MBIP: variants seen among roughly 807,000 people sequenced by gnomAD.
The protein encoded by MBIP is MAP3K12-binding inhibitory protein 1.
Under a neutral mutation model 45.7 loss-of-function variants are expected in MBIP, and 32 were observed. The observed-to-expected ratio is 0.70, with a 90% confidence interval of 0.53 to 0.94. The LOEUF (loss-of-function observed/expected upper bound fraction) is 0.94, where lower values mean the gene tolerates loss of function less well. MBIP is among the 40% of genes least tolerant of loss of function. MBIP has a pLI of 0.00. For synonymous variants in MBIP, 145 were observed against 141.0 expected (o/e 1.03, Z -0.20); for missense variants, 381 against 405.5 (o/e 0.94, Z 0.52).
At chr14:36,302,276 A>G (rs1262743276) in intron 7 of MBIP, among the ~76,000 whole-genome samples, 1 of 152,094 alleles carries the variant, frequency 6.6e-6, no homozygotes, top group Non-Finnish European at 1.5e-5. Flanking sequence ...GTGGATCAAG[A>G]GGTCAGGAGA....
intron 6 of MBIP, among the ~76,000 whole-genome samples, chr14:36,309,674 T>TAA: frequency 6.6e-6 from 1 of 152,352 alleles, no homozygotes; most frequent in African/African-American, 2.4e-5. Flanking sequence ...TGCTGCTCCC[T>TAA]TTACCTACAA....
In MBIP at chr14:36,320,568, A is replaced by C. The variant is rs776770457; in HGVS notation, c.21T>G (p.Leu7=). 3.7e-6 allele frequency: 6 copies of C among 1,612,454 alleles called. No individual in the cohort carries two copies. In the East Asian group the frequency reaches 1.3e-4, roughly 36 times the overall value. Residue 7 remains leucine, a synonymous_variant, in exon 1 of 9, where the codon CTT becomes CTG. Coordinates refer to ENST00000416007, the MANE Select transcript of MBIP (RefSeq NM_016586.3). The stretch of plus-strand genomic sequence containing the variant: ...TCCTGTCACCGCTGCTCGGGCGATT[A>C]AGCTCCGTGGCAGCAGCCATGATAT... MAAATE[L]NRPSSGDRNL...
In MBIP at chr14:36,320,601, G is replaced by T; in HGVS notation, c.-13C>A. 6.3e-7 allele frequency: 1 copy of T among 1,593,064 alleles called. No individual in the cohort carries two copies. Among genetic ancestry groups the T allele is most frequent in the Admixed American group, 1.7e-5 (1 of 58,380 alleles). On this transcript the variant is annotated 5_prime_UTR_variant, in exon 1 of 9. The change creates a new upstream start codon in the 5' untranslated region. Transcript: ENST00000416007. ...TGGCAGCAGCCATGATATCTTCTCA[G>T]GCCGCCCCACCACCACCACCACCAA...
At chr14:36,299,537 G>A (rs1879411993) in intron 8 of MBIP, among the ~76,000 whole-genome samples, 1 of 150,772 alleles carries the variant, frequency 6.6e-6, no homozygotes, top group Admixed American at 6.6e-5. Context: ...CTGAAAAACT[G>A]CCTATTGGGT....
rs747046528 is a variant in MBIP at position 36,299,105 on chromosome 14, A to G, written c.1013T>C (p.Met338Thr). 5.6e-6 allele frequency: 9 copies of G among 1,613,650 alleles called. No individual in the cohort carries two copies. Among genetic ancestry groups the G allele is most frequent in the Admixed American group, 1.7e-5 (1 of 59,978 alleles). Reference protein sequence around the residue: ...LLRKSREAESMATHHLP With the variant: ...LLRKSREAESTATHHLP Reference sequence around the variant, plus strand: ...TTTTCATGGAAGGTGGTGGGTTGCCATGGATTCTGCTTCTCTTGATTTTCT... The same window carrying G: ...TTTTCATGGAAGGTGGTGGGTTGCCGTGGATTCTGCTTCTCTTGATTTTCT... Residue 338 changes from methionine (M) to threonine (T), a missense_variant, in exon 9 of 9, where the codon ATG becomes ACG. Physicochemically the swap from Met to Thr is moderately conservative, Grantham distance 81. Coordinates refer to ENST00000416007, the MANE Select transcript of MBIP (RefSeq NM_016586.3).
At chr14:36,318,121 A>G (rs1472218619) in intron 1 of MBIP, among the ~76,000 whole-genome samples, 1 of 152,086 alleles carries the variant, frequency 6.6e-6, no homozygotes, top group Non-Finnish European at 1.5e-5. Flanking sequence ...AGATTTTGTT[A>G]GACAACAACC....
chr14:36,311,908 A>C, intron 5 of MBIP, 51 bp downstream of exon 5: 1 of 1,374,998 alleles, frequency 7.3e-7, no homozygotes, highest in Non-Finnish European at 1.0e-6. Context: ...CCATTTTGCT[A>C]ATAATCTAGA....
rs117308137 is a variant in MBIP at position 36,303,077 on chromosome 14, A to G, written c.889-2254T>C. Among the ~76,000 whole-genome samples the G allele has an allele frequency of 4.3e-3, 659 of 152,350 alleles. 4 individuals carry two copies. Among genetic ancestry groups the G allele is most frequent in the Non-Finnish European group, 7.2e-3 (493 of 68,032 alleles). ...TCAACTGTACATGATAGGCCAGTGT[A>G]CACATTCTGAACATGTTTTAGGCTA... On this transcript the variant is annotated intron_variant, in intron 7 of 8. Transcript: ENST00000416007.
Position 36,320,485 on chromosome 14 carries a change from C to A in MBIP, c.104G>T (p.Arg35Leu), listed in dbSNP as rs762084799. The change falls in exon 1 of 9, where the codon CGC (arginine) becomes CTC (leucine). Residue 35 changes from arginine (R) to leucine (L), a missense_variant. By Grantham distance (102) the Arg-to-Leu change is moderately radical (BLOSUM62 -2). Coordinates refer to ENST00000416007, the MANE Select transcript of MBIP (RefSeq NM_016586.3). ...CTGTCCAACCAGGGTGTGTAGGGAGCGAAAGATTTCGTAGAGCACCTCTCG... is the reference window on the plus strand; with the variant it reads ...CTGTCCAACCAGGGTGTGTAGGGAGAGAAAGATTTCGTAGAGCACCTCTCG... ...LSREVLYEIFRSLHTLVGQLD... is the reference protein window; with the variant it reads ...LSREVLYEIFLSLHTLVGQLD... The A allele has an allele frequency of 6.2e-7, 1 of 1,613,910 alleles. No individual in the cohort carries two copies. Among genetic ancestry groups the A allele is most frequent in the Admixed American group, 1.7e-5 (1 of 59,996 alleles).
At chr14:36,313,290 C>A (rs1880327407) in intron 4 of MBIP, 2 of 152,004 alleles carry the variant, frequency 1.3e-5, no homozygotes, top group African/African-American at 4.8e-5. Flanking sequence ...ATTAACTGAC[C>A]ATCAGTGAGA....
At chr14:36,299,247 A>G (rs1385919962) in intron 8 of MBIP, 57 bp from the exon 9 acceptor site, 18 of 1,115,800 alleles carry the variant, frequency 1.6e-5, no homozygotes, top group African/African-American at 4.6e-5. Context: ...CTTAATGCAG[A>G]TAAAGTGCCA....
chr14:36,301,343 A>G (rs1327233712), intron 7 of MBIP, among the ~76,000 whole-genome samples: 3 of 152,340 alleles, frequency 2.0e-5, no homozygotes, highest in Middle Eastern at 6.8e-3. Flanking sequence ...GCCCAAGCCA[A>G]TGGCTTCCCG....
At chr14:36,315,074 T>C (rs536820359) in intron 2 of MBIP, 159 bp from the exon 3 acceptor site, 1 of 571,430 alleles carries the variant, frequency 1.7e-6, no homozygotes, top group African/African-American at 1.9e-5. Context: ...TCTGACCACA[T>C]ATAAGTACTC....
At chr14:36,303,426 T>C (rs1419210460) in intron 7 of MBIP, among the ~76,000 whole-genome samples, 1 of 152,192 alleles carries the variant, frequency 6.6e-6, no homozygotes, top group African/African-American at 2.4e-5. Flanking sequence ...TCATAGAGTA[T>C]ACTTATAGAA....
intron 7 of MBIP, among the ~76,000 whole-genome samples, chr14:36,303,409 G>A (rs1486915475): frequency 6.6e-6 from 1 of 152,136 alleles, no homozygotes; most frequent in Non-Finnish European, 1.5e-5. Context: ...TTGTCATTGT[G>A]TGAACATCAT....
intron 7 of MBIP, among the ~76,000 whole-genome samples, chr14:36,303,222 G>A (rs1879676672): frequency 6.6e-6 from 1 of 152,168 alleles, no homozygotes; most frequent in Admixed American, 6.5e-5. Context: ...TATAAAAGGT[G>A]GACATTTTAA....
intron 2 of MBIP, among the ~76,000 whole-genome samples, chr14:36,316,484 C>G (rs1880573078): frequency 6.6e-6 from 1 of 152,158 alleles, no homozygotes; most frequent in Non-Finnish European, 1.5e-5. Context: ...TTCATTCACT[C>G]ATACCCACAT....
chr14:36,316,629 C>A, intron 2 of MBIP, 64 bp downstream of exon 2: 1 of 1,473,558 alleles, frequency 6.8e-7, no homozygotes, highest in South Asian at 1.3e-5. Context: ...AATACTCCAA[C>A]TAACTTAACC....
At chr14:36,303,731 T>C (rs1326604966) in intron 7 of MBIP, among the ~76,000 whole-genome samples, 1 of 152,160 alleles carries the variant, frequency 6.6e-6, no homozygotes, top group East Asian at 1.9e-4. Context: ...ACCAGTGCTC[T>C]AAGGAAACTC....
Sources: allele counts gnomAD v4.1 joint callset (sites outside exome capture counted in the v4.1 genomes callset), GRCh38; gene constraint gnomAD v4.1.1; transcripts MANE v1.5; gene names NCBI Gene and HGNC (gene_info 2026-07-23, HGNC 2026-07-21).